Variants in BTAF1 observed in about 807,000 individuals in gnomAD.
BTAF1 encodes the protein TATA-binding protein-associated factor 172.
A neutral mutation model predicts 227.1 loss-of-function variants in BTAF1; 38 were observed. The observed-to-expected ratio is 0.17, with a 90% confidence interval of 0.13 to 0.22. BTAF1 has a LOEUF of 0.22. Among genes scored for constraint, BTAF1 ranks in the 10% least tolerant of loss-of-function variants. The pLI is 1.00. For missense variants in BTAF1, 1,598 were observed against 2,204.0 expected, an observed-to-expected ratio of 0.73 and a Z score of 5.51; for synonymous variants, 742 against 751.9, an observed-to-expected ratio of 0.99 and a Z score of 0.21.
At chr10:91,981,960 A>C in intron 16 of BTAF1, 123 bp from the exon 17 acceptor site, 2 of 1,371,758 alleles carry the variant, frequency 1.5e-6, no homozygotes, top group Non-Finnish European at 1.9e-6. Flanking sequence ...ATGTTTATCC[A>C]TTAAAATTTT....
At chr10:91,986,433 A>T (rs1204495300) in intron 19 of BTAF1, among the ~76,000 whole-genome samples, 1 of 152,136 alleles carries the variant, frequency 6.6e-6, no homozygotes, top group Non-Finnish European at 1.5e-5. Flanking sequence ...GAGTCACTTC[A>T]TTTGTGTTGG....
At chr10:91,939,565 A>G (rs766741748) in intron 2 of BTAF1, among the ~76,000 whole-genome samples, 79 of 152,082 alleles carry the variant, frequency 5.2e-4, no homozygotes, top group Admixed American at 1.2e-3. Flanking sequence ...CAGCCTCCCA[A>G]GTAGTCGGGA....
intron 34 of BTAF1, among the ~76,000 whole-genome samples, chr10:92,019,311 A>G (rs995803716): frequency 6.6e-6 from 1 of 152,194 alleles, no homozygotes; most frequent in Non-Finnish European, 1.5e-5. Flanking sequence ...CCTGTTCTAA[A>G]TATTTCATTT....
At chr10:91,968,665 G>A (rs1438960115) in intron 14 of BTAF1, among the ~76,000 whole-genome samples, 1 of 152,194 alleles carries the variant, frequency 6.6e-6, no homozygotes, top group Non-Finnish European at 1.5e-5. Context: ...CCAGCAATGA[G>A]TGAGGGTTCC....
chr10:91,986,103 T>C (rs1848375698), intron 19 of BTAF1, among the ~76,000 whole-genome samples: 1 of 151,728 alleles, frequency 6.6e-6, no homozygotes, highest in African/African-American at 2.4e-5. Flanking sequence ...GTTTTTATGA[T>C]TTATCATTCA....
chr10:92,021,887 CA>C (rs1851158536), intron 34 of BTAF1, among the ~76,000 whole-genome samples: 1 of 152,032 alleles, frequency 6.6e-6, no homozygotes. Flanking sequence ...AGTGGAAGAT[CA>C]AAATGGTAAA....
intron 8 of BTAF1, 50 bp downstream of exon 8, chr10:91,957,343 G>A (rs751447889): frequency 6.8e-7 from 1 of 1,468,082 alleles, no homozygotes; most frequent in East Asian, 2.3e-5. Flanking sequence ...CTGTGCTAAT[G>A]AAGGGAACAA....
rs79730690 is a variant in BTAF1 at position 91,989,461 on chromosome 10, C to T, written c.2735C>T (p.Thr912Met). ...AKLLQQCTTR[T>M]PCPNSKIIKN... The stretch of plus-strand genomic sequence containing the variant: ...CTCCTTCAGCAGTGCACAACAAGGA[C>T]GCCCTGTCCCAATTCAAAAATTATT... The change falls in exon 20 of 38, where the codon ACG (threonine) becomes ATG (methionine). Residue 912 changes from threonine (T) to methionine (M), a missense_variant. Thr to Met is a moderately conservative substitution (Grantham distance 81). Transcript: ENST00000265990. The T allele has an allele frequency of 4.4e-4, 717 of 1,614,078 alleles. 4 individuals are homozygous for T. The African/African-American group carries it at 8.2e-3, about 18-fold the overall frequency.
chr10:92,016,295 A>G (rs1281949774), intron 32 of BTAF1, 45 bp from the exon 33 acceptor site: 12 of 1,556,830 alleles, frequency 7.7e-6, no homozygotes, highest in Admixed American at 4.5e-5. Context: ...TGAACAATTG[A>G]AAATAAATAT....
At chr10:91,940,898 CG>C (rs920323394) in intron 3 of BTAF1, among the ~76,000 whole-genome samples, 4 of 151,010 alleles carry the variant, frequency 2.6e-5, no homozygotes, top group Non-Finnish European at 5.9e-5. Context: ...TGGCCAGGCT[CG>C]GGGGGGTGGG....
At chr10:91,985,170 T>C (rs932852969) in intron 19 of BTAF1, among the ~76,000 whole-genome samples, 2 of 152,126 alleles carry the variant, frequency 1.3e-5, no homozygotes, top group African/African-American at 4.8e-5. Context: ...GTAACCATTA[T>C]TCTAATTCCC....
intron 14 of BTAF1, among the ~76,000 whole-genome samples, chr10:91,968,317 A>G (rs914050530): frequency 6.6e-6 from 1 of 152,160 alleles, no homozygotes; most frequent in Non-Finnish European, 1.5e-5. Flanking sequence ...TGCCTTTTCA[A>G]ATTGGCTTCT....
Position 91,999,435 on chromosome 10 carries a change from A to G in BTAF1, c.3660+1684A>G, listed in dbSNP as rs570514109. Reference sequence around the variant, plus strand: ...GAGACGGACTTTTGCTCTTGTTGCAACCAGGCTGGAGTGCAATGGCGCGAC... The same window carrying G: ...GAGACGGACTTTTGCTCTTGTTGCAGCCAGGCTGGAGTGCAATGGCGCGAC... On this transcript the variant is annotated intron_variant, in intron 25 of 37. Transcript: ENST00000265990. Among the ~76,000 whole-genome samples, 12 of 152,128 alleles carry G rather than the reference A, an allele frequency of 7.9e-5. No homozygotes were observed. The South Asian group carries it at 2.5e-3, about 32-fold the overall frequency.
intron 4 of BTAF1, among the ~76,000 whole-genome samples, chr10:91,950,899 C>T (rs1311268454): frequency 7.1e-6 from 1 of 141,476 alleles, no homozygotes; most frequent in Non-Finnish European, 1.5e-5. Flanking sequence ...GTGTTTTGAT[C>T]ACAGCTCACT....
chr10:92,009,305 T>G (rs1850144240), intron 28 of BTAF1, 97 bp downstream of exon 28: 1 of 1,311,578 alleles, frequency 7.6e-7, no homozygotes, highest in Non-Finnish European at 1.0e-6. Context: ...ATTAGCTCTT[T>G]TGGTTGTATG....
intron 1 of BTAF1, among the ~76,000 whole-genome samples, chr10:91,930,734 C>A (rs937818433): frequency 2.6e-5 from 4 of 152,174 alleles, no homozygotes; most frequent in African/African-American, 9.7e-5. Context: ...AAGTAATGGT[C>A]ATTATCTTTC....
In BTAF1 at chr10:92,016,087, G is replaced by A. The variant is rs76334855; in HGVS notation, c.4585-253G>A. On this transcript the variant is annotated intron_variant, in intron 32 of 37. Transcript: ENST00000265990. ...AGAAAAATTGAGTCTTGGACTATTT[G>A]ACTTGTATTTTTCATATTTTGGCAG... 0.015 allele frequency among the ~76,000 whole-genome samples: 2,249 copies of A among 152,000 alleles called. 49 individuals carry two copies. Among genetic ancestry groups the A allele is most frequent in the African/African-American group, 0.051 (2,116 of 41,430 alleles).
intron 35 of BTAF1, among the ~76,000 whole-genome samples, 200 bp downstream of exon 35, chr10:92,025,167 G>A (rs1851411525): frequency 6.6e-6 from 1 of 151,908 alleles, no homozygotes; most frequent in African/African-American, 2.4e-5. Flanking sequence ...ATATGAAAAG[G>A]GTGTGACTGT....
chr10:91,957,661 T>G (rs1797910336), intron 8 of BTAF1, among the ~76,000 whole-genome samples: 1 of 152,236 alleles, frequency 6.6e-6, no homozygotes, highest in Non-Finnish European at 1.5e-5. Flanking sequence ...AGAGAACATC[T>G]TGAACAGTTC....
Sources: gnomAD v4.1 joint callset for allele counts (sites outside exome capture counted in the v4.1 genomes callset) on GRCh38, gnomAD v4.1.1 for gene constraint, MANE v1.5 for transcripts, NCBI Gene and HGNC (gene_info 2026-07-23, HGNC 2026-07-21) for gene names.